Variants in NCKAP5 observed in about 807,000 individuals in gnomAD.
The protein encoded by NCKAP5 is nck-associated protein 5.
Under a neutral mutation model 167.0 loss-of-function variants are expected in NCKAP5, and 92 were observed. The observed-to-expected ratio is 0.55, with a 90% confidence interval of 0.47 to 0.66. NCKAP5 has a LOEUF of 0.66. NCKAP5 is among the 30% of genes least tolerant of loss of function. NCKAP5 has a pLI of 0.00. For missense variants in NCKAP5, 2,378 were observed against 2,315.0 expected, an observed-to-expected ratio of 1.03 and a Z score of -0.56; for synonymous variants, 891 against 877.4, an observed-to-expected ratio of 1.02 and a Z score of -0.27.
the NCKAP5 span, among the ~76,000 whole-genome samples, chr2:133,661,911 C>T: frequency 1.6e-3 from 245 of 152,186 alleles, no homozygotes; most frequent in Non-Finnish European, 2.9e-3. Flanking sequence ...AATAGATAAA[C>T]ATCTGGACAT....
chr2:132,746,183 T>A lies in NCKAP5; in HGVS notation c.5129-14132A>T, dbSNP rs575949222. ...TATAAGGCTACGTTCATTAAGAGAG[T>A]GTGGTATTGGGTAAGGATTTGCACA... On this transcript the variant is annotated intron_variant, in intron 16 of 19. Coordinates refer to ENST00000409261, the MANE Select transcript of NCKAP5 (RefSeq NM_207363.3). 7.2e-5 allele frequency among the ~76,000 whole-genome samples: 11 copies of A among 152,030 alleles called. No individual in the cohort carries two copies. In the East Asian group the frequency reaches 1.7e-3, roughly 24 times the overall value.
At chr2:132,745,102 T>G (rs984907023) in intron 16 of NCKAP5, among the ~76,000 whole-genome samples, 1 of 151,814 alleles carries the variant, frequency 6.6e-6, no homozygotes, top group South Asian at 2.1e-4. Context: ...ACTTTCCACA[T>G]CATTTTATAA....
intron 6 of NCKAP5, among the ~76,000 whole-genome samples, chr2:132,997,543 G>A (rs1241176310): frequency 2.0e-5 from 3 of 146,988 alleles, no homozygotes; most frequent in African/African-American, 5.5e-5. Flanking sequence ...GAAACCTAAG[G>A]TACAGAAAGG....
At chr2:133,109,218 T>C (rs765565164) in intron 6 of NCKAP5, among the ~76,000 whole-genome samples, 4 of 152,246 alleles carry the variant, frequency 2.6e-5, no homozygotes, top group South Asian at 2.1e-4. Flanking sequence ...ACTTACTTGA[T>C]TGTAATATAT....
At chr2:133,148,765 A>T (rs925567585) in intron 5 of NCKAP5, among the ~76,000 whole-genome samples, 1 of 152,110 alleles carries the variant, frequency 6.6e-6, no homozygotes, top group African/African-American at 2.4e-5. Context: ...CTTCTGATAA[A>T]GTCATGTTAA....
chr2:132,766,460 C>T (rs1183104778), intron 16 of NCKAP5, among the ~76,000 whole-genome samples: 1 of 152,052 alleles, frequency 6.6e-6, no homozygotes, highest in Non-Finnish European at 1.5e-5. Flanking sequence ...TTTACAGTTT[C>T]TTCTAGTCCC....
chr2:133,360,633 T>C (rs1468274310), intron 3 of NCKAP5, among the ~76,000 whole-genome samples: 1 of 151,998 alleles, frequency 6.6e-6, no homozygotes. Context: ...AGTACCCTCC[T>C]CCCAGAAGCC....
chr2:133,526,263 AGGAG>A (rs1318226073), intron 2 of NCKAP5, among the ~76,000 whole-genome samples: 529 of 26,186 alleles, frequency 0.02, 78 homozygotes, highest in African/African-American at 0.072. Flanking sequence ...GAGGGAGGGA[AGGAG>A]GGAGGGAGGG....
chr2:133,466,398 T>G (rs993870943), intron 3 of NCKAP5, among the ~76,000 whole-genome samples: 3 of 150,228 alleles, frequency 2.0e-5, no homozygotes, highest in African/African-American at 7.4e-5. Flanking sequence ...TACCATGCTG[T>G]TTTGGTTACT....
intron 11 of NCKAP5, among the ~76,000 whole-genome samples, chr2:132,835,561 T>G (rs1199802985): frequency 6.6e-6 from 1 of 152,150 alleles, no homozygotes; most frequent in Non-Finnish European, 1.5e-5. Flanking sequence ...TTTACTTTTT[T>G]TTTTTCCTTT....
the NCKAP5 span, among the ~76,000 whole-genome samples, chr2:133,595,109 A>T: frequency 6.6e-6 from 1 of 152,224 alleles, no homozygotes; most frequent in African/African-American, 2.4e-5. Flanking sequence ...TCCTGGGGGA[A>T]GAGCAGGAGT....
intron 5 of NCKAP5, among the ~76,000 whole-genome samples, chr2:133,183,404 T>C (rs944832549): frequency 3.3e-5 from 5 of 152,248 alleles, no homozygotes; most frequent in Non-Finnish European, 5.9e-5. Context: ...AAAAGAATTA[T>C]GACCAAATAG....
the NCKAP5 span, among the ~76,000 whole-genome samples, chr2:133,594,334 T>G: frequency 6.6e-6 from 1 of 152,164 alleles, no homozygotes; most frequent in Non-Finnish European, 1.5e-5. Flanking sequence ...TCTCTCACTC[T>G]CACTCTCTCT....
intron 8 of NCKAP5, among the ~76,000 whole-genome samples, chr2:132,889,142 A>T (rs1298275192): frequency 1.3e-5 from 2 of 152,328 alleles, no homozygotes; most frequent in East Asian, 3.9e-4. Flanking sequence ...GGGGACACTG[A>T]GAGGCCAGCC....
At chr2:133,105,560 G>A (rs891913317) in intron 6 of NCKAP5, among the ~76,000 whole-genome samples, 7 of 151,930 alleles carry the variant, frequency 4.6e-5, no homozygotes, top group Non-Finnish European at 1.0e-4. Flanking sequence ...ACTGGCCTTC[G>A]TCTGTTTTTG....
At chr2:132,986,866 G>A (rs993887679) in intron 7 of NCKAP5, among the ~76,000 whole-genome samples, 2 of 152,258 alleles carry the variant, frequency 1.3e-5, no homozygotes, top group Admixed American at 6.5e-5. Flanking sequence ...TAGGGTGTAA[G>A]AGGAATGTGT....
At chr2:133,606,732 A>G in the NCKAP5 span, among the ~76,000 whole-genome samples, 1 of 113,280 alleles carries the variant, frequency 8.8e-6, no homozygotes, top group East Asian at 2.2e-4. Context: ...GCAGAAATGG[A>G]AAGGAGTTCA....
chr2:132,732,089 G>T, intron 16 of NCKAP5, 38 bp from the exon 17 acceptor site: 1 of 1,541,382 alleles, frequency 6.5e-7, no homozygotes, highest in Non-Finnish European at 8.8e-7. Context: ...GAATAGAGAA[G>T]GCTCACATAA....
chr2:132,885,888 C>G (rs570552230), intron 8 of NCKAP5, among the ~76,000 whole-genome samples: 100 of 152,356 alleles, frequency 6.6e-4, no homozygotes, highest in African/African-American at 2.2e-3. Flanking sequence ...AATCTGTCCT[C>G]TGCATAACAT....
Sources: gnomAD v4.1 joint callset for allele counts (sites outside exome capture counted in the v4.1 genomes callset) on GRCh38, gnomAD v4.1.1 for gene constraint, MANE v1.5 for transcripts, NCBI Gene and HGNC (gene_info 2026-07-23, HGNC 2026-07-21) for gene names.